RPGR: variants seen among roughly 807,000 people sequenced by gnomAD.
The protein encoded by RPGR is retinitis pigmentosa GTPase regulator.
Under a neutral mutation model 56.3 loss-of-function variants are expected in RPGR, and 10 were observed. The ratio of observed to expected loss-of-function variants is 0.18; its 90% CI spans 0.11 to 0.30. The LOEUF (loss-of-function observed/expected upper bound fraction) is 0.30, where lower values mean the gene tolerates loss of function less well. RPGR is among the 10% of genes least tolerant of loss of function. The pLI, the probability that RPGR is intolerant of heterozygous loss-of-function variation, is 1.00. For synonymous variants in RPGR, 197 were observed against 212.9 expected, an observed-to-expected ratio of 0.93 and a Z score of 0.65; for missense variants, 538 against 590.9, an observed-to-expected ratio of 0.91 and a Z score of 0.93.
intron 6 of RPGR, among the ~76,000 whole-genome samples, chrX:38,316,941 T>C (rs2067837396): frequency 8.9e-6 from 1 of 112,027 alleles, no homozygotes; most frequent in African/African-American, 3.2e-5. Flanking sequence ...CTATTATTAC[T>C]AGTGTAGATA....
chrX:38,321,935 G>T, intron 3 of RPGR, among the ~76,000 whole-genome samples: 1 of 111,824 alleles, frequency 8.9e-6, no homozygotes, highest in Non-Finnish European at 1.9e-5. Context: ...AGATGACTAA[G>T]ATAGAATCCC....
Position 38,284,390 on chromosome X carries a change from A to G in RPGR, c.1905+2704T>C. On this transcript the variant is annotated intron_variant, in intron 15 of 18. Transcript: ENST00000642395. ...AATACTAGACAGTTTATCTTTTCAT[A>G]AAGAATTTCTGACTATATACATTTA... 1 of 672,885 alleles carries G rather than the reference A, an allele frequency of 1.5e-6. No homozygotes were observed. Among genetic ancestry groups the G allele is most frequent in the Non-Finnish European group, 1.8e-6 (1 of 565,023 alleles). The allele number at this position is 672,885 out of a possible 1,213,427, so 55.5% of individuals were successfully genotyped here.
rs1399150431 is a variant in RPGR at position 38,327,494 on chromosome X, TC to T, written c.-128del. On this transcript the variant is annotated 5_prime_UTR_variant, in exon 1 of 19. Transcript: ENST00000642395. ...GCCCCCAAGTTCCGCATGGCGAAAC[TC>T]CGGAGATCAACTACAACCGCGCTCC... 2 of 651,876 alleles carry T rather than the reference TC, an allele frequency of 3.1e-6. No individual in the cohort carries two copies. Among genetic ancestry groups the T allele is most frequent in the East Asian group, 8.5e-5 (2 of 23,664 alleles). The allele number at this position is 651,876 out of a possible 1,213,427, so 53.7% of individuals were successfully genotyped here.
rs1046143955 is a variant in RPGR at position 38,287,986 on chromosome X, T to C, written c.1628A>G (p.Asp543Gly). ...TGACATTTCTTCATATTCATCACTA[T>C]CATCGTTTTCAGTAAGAGCTGTATC... is the stretch of plus-strand genomic sequence containing the variant. Residue 543 changes from aspartate (D) to glycine (G), a missense_variant, in exon 14 of 19, where the codon GAT becomes GGT. By Grantham distance (94) the Asp-to-Gly change is moderately conservative. Coordinates refer to ENST00000642395, the MANE Select transcript of RPGR (RefSeq NM_000328.3). 1 of 1,210,546 alleles carries C rather than the reference T, an allele frequency of 8.3e-7. No individual in the cohort carries two copies. Among genetic ancestry groups the C allele is most frequent in the Non-Finnish European group, 1.1e-6 (1 of 894,492 alleles).
chrX:38,273,344 T>C lies in RPGR; in HGVS notation c.2241+42A>G, dbSNP rs369960178. On this transcript the variant is annotated intron_variant, in intron 18 of 18. Transcript: ENST00000642395. The stretch of plus-strand genomic sequence containing the variant: ...GCCATATGAAAAGTAAAACAAACAA[T>C]TGAATTCAAAAGGATCAAAAAAGAC... 4.2e-4 allele frequency: 436 copies of C among 1,033,679 alleles called. 3 individuals carry two copies. In the South Asian group the frequency reaches 5.1e-3, roughly 12 times the overall value. 85.2% of individuals were successfully genotyped at this position (1,033,679 alleles called of 1,213,427 possible).
chrX:38,270,497 C>T (rs1336513489), intron 18 of RPGR, among the ~76,000 whole-genome samples: 1 of 105,002 alleles, frequency 9.5e-6, no homozygotes, highest in Non-Finnish European at 1.9e-5. Flanking sequence ...GTGGCAGGCA[C>T]CTGTAGTCCC....
intron 11 of RPGR, among the ~76,000 whole-genome samples, chrX:38,293,447 T>G (rs1039707923): frequency 3.6e-5 from 4 of 111,980 alleles, no homozygotes; most frequent in Non-Finnish European, 3.8e-5. Flanking sequence ...AAAAGACTAC[T>G]GAGAGATAAA....
chrX:38,318,767 T>C (rs1401029641), intron 5 of RPGR, 62 bp downstream of exon 5: 3 of 1,131,505 alleles, frequency 2.7e-6, no homozygotes, highest in African/African-American at 3.6e-5. Context: ...GTTTACTGAG[T>C]TGGCATATAT....
chrX:38,290,145 G>A (rs1054446227), intron 13 of RPGR, among the ~76,000 whole-genome samples: 1 of 112,162 alleles, frequency 8.9e-6, no homozygotes, highest in South Asian at 3.7e-4. Flanking sequence ...GCACTTCAGT[G>A]ACTTCAATTT....
At chrX:38,295,771 C>G (rs939905420) in intron 11 of RPGR, among the ~76,000 whole-genome samples, 2 of 111,371 alleles carry the variant, frequency 1.8e-5, no homozygotes, top group African/African-American at 3.3e-5. Flanking sequence ...TGCCTAGCTT[C>G]CTGATCTCAA....
intron 11 of RPGR, among the ~76,000 whole-genome samples, chrX:38,292,600 A>G (rs2067303626): frequency 9.1e-6 from 1 of 110,386 alleles, no homozygotes; most frequent in Non-Finnish European, 1.9e-5. Context: ...GCAGAATAGC[A>G]ACATAAGTAA....
chrX:38,273,541 C>T (rs1427103905), intron 17 of RPGR: 10 of 848,158 alleles, frequency 1.2e-5, no homozygotes, highest in Non-Finnish European at 1.5e-5. Context: ...ACCTGATGCT[C>T]TCAGTGAAAC....
chrX:38,291,051 T>C (rs2067268987), intron 12 of RPGR, 27 bp from the exon 13 acceptor site: 1 of 611,153 alleles, frequency 1.6e-6, no homozygotes, highest in Admixed American at 3.5e-5. Flanking sequence ...ATATATATTA[T>C]AAAAAGAATA....
intron 9 of RPGR, 53 bp from the exon 10 acceptor site, chrX:38,299,194 G>A (rs2067454237): frequency 1.7e-6 from 2 of 1,143,417 alleles, no homozygotes; most frequent in East Asian, 3.1e-5. Context: ...AAACACAAAT[G>A]AGTTTTTAAC....
intron 8 of RPGR, among the ~76,000 whole-genome samples, chrX:38,303,103 CCTT>C (rs906253733): frequency 2.5e-4 from 28 of 111,617 alleles, no homozygotes; most frequent in Non-Finnish European, 4.7e-4. Flanking sequence ...CCTTCTTCCT[CCTT>C]CTTTTCAACC....
intron 15 of RPGR, among the ~76,000 whole-genome samples, chrX:38,277,105 G>A (rs1042144840): frequency 9.0e-6 from 1 of 111,512 alleles, no homozygotes; most frequent in Non-Finnish European, 1.9e-5. Context: ...TTTAAAAAGC[G>A]TTCTGTCTAC....
intron 15 of RPGR, among the ~76,000 whole-genome samples, chrX:38,280,897 TA>T (rs199728431): frequency 1.8e-5 from 2 of 109,965 alleles, no homozygotes; most frequent in African/African-American, 3.3e-5. Context: ...ATGATTTAAA[TA>T]AAAAAAAACT....
At chrX:38,288,812 C>T (rs776509752) in intron 13 of RPGR, among the ~76,000 whole-genome samples, 1 of 111,098 alleles carries the variant, frequency 9.0e-6, no homozygotes, top group Non-Finnish European at 1.9e-5. Context: ...GACGGAGTTT[C>T]ATTCTGTCAC....
chrX:38,319,419 G>A (rs929292085), intron 4 of RPGR, among the ~76,000 whole-genome samples: 3 of 112,090 alleles, frequency 2.7e-5, no homozygotes, highest in Non-Finnish European at 5.6e-5. Flanking sequence ...AATCCAAGAA[G>A]AATCTAATTA....
Sources: gnomAD v4.1 joint callset for allele counts (sites outside exome capture counted in the v4.1 genomes callset) on GRCh38, gnomAD v4.1.1 for gene constraint, MANE v1.5 for transcripts, NCBI Gene and HGNC (gene_info 2026-07-23, HGNC 2026-07-21) for gene names.